Variants in KIF1B observed in about 807,000 individuals in gnomAD.
KIF1B encodes kinesin-like protein KIF1B.
Under a neutral mutation model 241.9 loss-of-function variants are expected in KIF1B, and 76 were observed. The ratio of observed to expected loss-of-function variants is 0.31; its 90% CI spans 0.26 to 0.38. The LOEUF is 0.38. KIF1B is among the 10% of genes least tolerant of loss of function. The pLI is 1.00. For synonymous variants in KIF1B, 750 were observed against 796.7 expected, an observed-to-expected ratio of 0.94 and a Z score of 0.99; for missense variants, 1,622 against 2,271.4, an observed-to-expected ratio of 0.71 and a Z score of 5.81.
At chr1:10,336,884 C>T (rs1652200130) in intron 29 of KIF1B, 142 bp downstream of exon 29, 3 of 1,088,804 alleles carry the variant, frequency 2.8e-6, no homozygotes, top group Admixed American at 1.8e-5. Context: ...ACATGTCTAA[C>T]AATTATGAAG....
intron 35 of KIF1B, 147 bp from the exon 36 acceptor site, chr1:10,347,614 T>G (rs1450488763): frequency 1.5e-6 from 1 of 680,750 alleles, no homozygotes; most frequent in Non-Finnish European, 2.7e-6. Flanking sequence ...GTGGAAAGGA[T>G]GAGTAAATGC....
chr1:10,265,260 A>G (rs1452572274), intron 5 of KIF1B, among the ~76,000 whole-genome samples: 4 of 148,142 alleles, frequency 2.7e-5, no homozygotes, highest in Non-Finnish European at 6.0e-5. Flanking sequence ...TTTTAGAGAC[A>G]GGATCTCACT....
intron 15 of KIF1B, among the ~76,000 whole-genome samples, chr1:10,288,323 G>A (rs1018733541): frequency 6.6e-6 from 1 of 152,140 alleles, no homozygotes; most frequent in Non-Finnish European, 1.5e-5. Flanking sequence ...TTGGTTCTTG[G>A]CCTTCTCACT....
intron 15 of KIF1B, 127 bp from the exon 16 acceptor site, chr1:10,290,955 G>A: frequency 1.4e-6 from 1 of 692,294 alleles, no homozygotes. Context: ...ATTAATAAAA[G>A]AAAAATCTCT....
intron 2 of KIF1B, among the ~76,000 whole-genome samples, chr1:10,239,839 C>T (rs1647110217): frequency 6.6e-6 from 1 of 151,948 alleles, no homozygotes; most frequent in Non-Finnish European, 1.5e-5. Flanking sequence ...AATCTTGGCT[C>T]ACTGCAAGCT....
intron 22 of KIF1B, among the ~76,000 whole-genome samples, chr1:10,310,825 C>T (rs1651034336): frequency 6.6e-6 from 1 of 151,502 alleles, no homozygotes; most frequent in Non-Finnish European, 1.5e-5. Flanking sequence ...GATGGAAAAA[C>T]ACAAGGTGCT....
chr1:10,249,485 A>G (rs1647322294), intron 2 of KIF1B, among the ~76,000 whole-genome samples: 1 of 152,234 alleles, frequency 6.6e-6, no homozygotes, highest in Admixed American at 6.5e-5. Context: ...GGTATAGGGC[A>G]GTATAGAGGA....
chr1:10,288,299 A>G (rs1301451093), intron 15 of KIF1B, among the ~76,000 whole-genome samples: 1 of 152,156 alleles, frequency 6.6e-6, no homozygotes, highest in Non-Finnish European at 1.5e-5. Flanking sequence ...CTTTATAGAT[A>G]AACTATTGAA....
chr1:10,376,436 G>A, intron 48 of KIF1B, 109 bp from the exon 49 acceptor site: 5 of 1,100,948 alleles, frequency 4.5e-6, no homozygotes, highest in Middle Eastern at 2.4e-4. Flanking sequence ...TAGGCCTGCG[G>A]TGCCAAATAG....
At chr1:10,276,901 T>C (rs980478225) in intron 12 of KIF1B, among the ~76,000 whole-genome samples, 2 of 152,024 alleles carry the variant, frequency 1.3e-5, no homozygotes, top group East Asian at 1.9e-4. Context: ...GCCAACATGA[T>C]GAAACCCCAT....
rs890737601 is a variant in KIF1B at position 10,365,740 on chromosome 1, G to A, written c.4752+92G>A. 3 of 1,535,702 alleles carry A rather than the reference G, an allele frequency of 2.0e-6. 1 individual carries two copies. The highest frequency in any genetic ancestry group is 4.5e-5 in the East Asian group (2 of 44,548). On this transcript the variant is annotated intron_variant, in intron 43 of 48. Coordinates refer to ENST00000676179, the MANE Select transcript of KIF1B (RefSeq NM_001365951.3). This position sits in a 1 kb window ranked among gnomAD's most constrained non-coding sequence, Gnocchi z 4.0. The stretch of plus-strand genomic sequence containing the variant: ...TTCATTTTCAACACCTTTGTTCGAG[G>A]TGTTTGAAGGCCTGTGATAATACTG...
chr1:10,227,965 A>C (rs1646931758), intron 1 of KIF1B, among the ~76,000 whole-genome samples: 1 of 151,244 alleles, frequency 6.6e-6, no homozygotes, highest in South Asian at 2.1e-4. Flanking sequence ...TGGGCGGATC[A>C]TATGAGGTCA....
chr1:10,306,298 TCTC>T, intron 22 of KIF1B: 1 of 1,046,626 alleles, frequency 9.6e-7, no homozygotes, highest in Non-Finnish European at 1.2e-6. Context: ...GAGATGACAA[TCTC>T]CTGTGCCATT....
chr1:10,342,558 A>G (rs1652437756), intron 33 of KIF1B, among the ~76,000 whole-genome samples: 2 of 152,226 alleles, frequency 1.3e-5, no homozygotes, highest in African/African-American at 2.4e-5. Flanking sequence ...TGATGATGGC[A>G]GAGTGTTGGT....
intron 7 of KIF1B, among the ~76,000 whole-genome samples, chr1:10,269,158 C>T (rs1222505146): frequency 6.6e-6 from 1 of 152,162 alleles, no homozygotes; most frequent in African/African-American, 2.4e-5. Context: ...ACCACTGTCA[C>T]TAATTATTAA....
chr1:10,288,237 T>C (rs893942309), intron 15 of KIF1B, among the ~76,000 whole-genome samples: 6 of 152,254 alleles, frequency 3.9e-5, no homozygotes, highest in Non-Finnish European at 5.9e-5. Context: ...AGCTCACTTA[T>C]GCAGAAGCGT....
intron 10 of KIF1B, among the ~76,000 whole-genome samples, chr1:10,273,495 G>T (rs1288896819): frequency 6.6e-6 from 1 of 152,090 alleles, no homozygotes; most frequent in Non-Finnish European, 1.5e-5. Flanking sequence ...ACATAGTGGA[G>T]TGAAAGTTTG....
At chr1:10,270,027 G>A (rs1648703118) in intron 7 of KIF1B, among the ~76,000 whole-genome samples, 1 of 151,880 alleles carries the variant, frequency 6.6e-6, no homozygotes, top group South Asian at 2.1e-4. Flanking sequence ...AATTCATTTT[G>A]GATACTTTTG....
In KIF1B at chr1:10,245,416, C is replaced by T. The variant is rs578158213; in HGVS notation, c.107-10831C>T. On this transcript the variant is annotated intron_variant, in intron 2 of 48. Coordinates refer to ENST00000676179, the MANE Select transcript of KIF1B (RefSeq NM_001365951.3). Reference sequence around the variant, plus strand: ...TCATTTTGATAGCATTTACGTTTATCTTGGATAAAAGTCTTCAAGTCAGCC... The same window carrying T: ...TCATTTTGATAGCATTTACGTTTATTTTGGATAAAAGTCTTCAAGTCAGCC... 1.3e-4 allele frequency among the ~76,000 whole-genome samples: 20 copies of T among 152,232 alleles called. 2 individuals carry two copies. The highest frequency in any genetic ancestry group is 2.1e-4 in the Non-Finnish European group (14 of 68,010).
Sources: allele counts gnomAD v4.1 joint callset (sites outside exome capture counted in the v4.1 genomes callset), GRCh38; gene constraint gnomAD v4.1.1; non-coding constraint Gnocchi (gnomAD v3.1); transcripts MANE v1.5; gene names NCBI Gene and HGNC (gene_info 2026-07-23, HGNC 2026-07-21).